Variants in CREB1 observed in about 807,000 individuals in gnomAD.
CREB1 encodes the protein cyclic AMP-responsive element-binding protein 1.
CREB1 carries 2 observed loss-of-function variants against 42.0 expected under a neutral mutation model. The ratio of observed to expected loss-of-function variants is 0.05; its 90% CI spans 0.02 to 0.15. CREB1 has a LOEUF of 0.15. Ranked by LOEUF, CREB1 falls within the 10% of genes least tolerant of loss-of-function variation. The pLI, the probability that CREB1 is intolerant of heterozygous loss-of-function variation, is 1.00. For synonymous variants in CREB1, 123 were observed against 139.9 expected, an observed-to-expected ratio of 0.88 and a Z score of 0.85; for missense variants, 199 against 388.9, an observed-to-expected ratio of 0.51 and a Z score of 4.11.
At chr2:207,559,606 AGACAT>A (rs1481044548) in intron 2 of CREB1, among the ~76,000 whole-genome samples, 2 of 152,206 alleles carry the variant, frequency 1.3e-5, no homozygotes, top group East Asian at 3.8e-4. Context: ...AACATCTGAT[AGACAT>A]GTATGATTTA....
rs2087879066 is a variant in CREB1 at position 207,605,148 on chromosome 2, CTT to C, written c.*8092_*8093del. On this transcript the variant is annotated 3_prime_UTR_variant, in exon 8 of 8. Transcript: ENST00000353267. ...TTTAACTTTTTGAGGAACTGTCAAACTTTCCCTCAGCAGCTGTACCGTTTTAC... is the reference window on the plus strand; with the variant it reads ...TTTAACTTTTTGAGGAACTGTCAAACTCCCTCAGCAGCTGTACCGTTTTAC... Among the ~76,000 whole-genome samples the C allele has an allele frequency of 6.6e-6, 1 of 152,186 alleles. No homozygotes were observed. The highest frequency in any genetic ancestry group is 2.4e-5 in the African/African-American group (1 of 41,444).
intron 7 of CREB1, among the ~76,000 whole-genome samples, chr2:207,591,784 C>G (rs1559074943): frequency 6.6e-6 from 1 of 152,058 alleles, no homozygotes; most frequent in Non-Finnish European, 1.5e-5. Flanking sequence ...CCTTTTTCTT[C>G]TCTGTTTATA....
intron 5 of CREB1, 42 bp from the exon 6 acceptor site, chr2:207,575,230 T>C (rs780070632): frequency 2.9e-5 from 46 of 1,566,578 alleles, no homozygotes; most frequent in Middle Eastern, 1.7e-4. Context: ...AAAAGTCTTA[T>C]ATGGTATTAA....
chr2:207,550,064 T>C (rs954919439), intron 1 of CREB1, among the ~76,000 whole-genome samples: 2 of 152,176 alleles, frequency 1.3e-5, no homozygotes, highest in African/African-American at 4.8e-5. Context: ...TGTGTAGACA[T>C]AATTATGTAT....
chr2:207,546,868 G>C (rs1320391367), intron 1 of CREB1, among the ~76,000 whole-genome samples: 2 of 152,158 alleles, frequency 1.3e-5, no homozygotes, highest in African/African-American at 4.8e-5. Flanking sequence ...TGGTACCTTT[G>C]AGTTCTTGGG....
intron 7 of CREB1, 170 bp downstream of exon 7, chr2:207,577,825 A>G: frequency 1.4e-6 from 1 of 716,912 alleles, no homozygotes; most frequent in Non-Finnish European, 2.3e-6. Flanking sequence ...CTGCACTTAT[A>G]AGATAGCTGT....
At chr2:207,561,308 C>T in intron 3 of CREB1, 1 of 643,460 alleles carries the variant, frequency 1.6e-6, no homozygotes, top group Non-Finnish European at 2.7e-6. Flanking sequence ...CTAGGCCATA[C>T]TTGTTACCTC....
chr2:207,551,828 G>A (rs964717890), intron 1 of CREB1, among the ~76,000 whole-genome samples: 2 of 151,940 alleles, frequency 1.3e-5, no homozygotes, highest in African/African-American at 2.4e-5. Context: ...CGGATCAGGA[G>A]GTCAGGAGAT....
intron 1 of CREB1, among the ~76,000 whole-genome samples, chr2:207,548,735 G>A (rs1340471002): frequency 2.6e-5 from 4 of 151,958 alleles, no homozygotes; most frequent in African/African-American, 9.7e-5. Context: ...TGGGCAATGA[G>A]CAAAACTCTG....
At chr2:207,575,933 T>TC (rs1559049374) in intron 6 of CREB1, among the ~76,000 whole-genome samples, 3 of 19,460 alleles carry the variant, frequency 1.5e-4, no homozygotes, top group African/African-American at 3.0e-4. Flanking sequence ...GTTTCTCTGC[T>TC]TCCCCCCCCC....
At chr2:207,567,597 GAGGAAGTCTT>G in intron 4 of CREB1, 34 bp downstream of exon 4, 1 of 1,490,166 alleles carries the variant, frequency 6.7e-7, no homozygotes, top group Non-Finnish European at 9.3e-7. Flanking sequence ...CAAAGATGTG[GAGGAAGTCTT>G]AGGTAGTTGC....
At chr2:207,555,805 C>A in intron 2 of CREB1, 56 bp downstream of exon 2, 2 of 1,153,084 alleles carry the variant, frequency 1.7e-6, no homozygotes, top group South Asian at 1.3e-5. Flanking sequence ...GAATACGTTT[C>A]CAAGAGAATT....
chr2:207,547,432 T>G (rs1009786471), intron 1 of CREB1, among the ~76,000 whole-genome samples: 4 of 152,344 alleles, frequency 2.6e-5, no homozygotes, highest in Middle Eastern at 3.4e-3. Flanking sequence ...GCTTCATTCT[T>G]TAGTCAACAT....
At chr2:207,544,324 A>T (rs1016283855) in intron 1 of CREB1, among the ~76,000 whole-genome samples, 2 of 152,218 alleles carry the variant, frequency 1.3e-5, no homozygotes, top group Non-Finnish European at 2.9e-5. Context: ...TCAGATCTGC[A>T]TCAGATTACC....
chr2:207,554,487 T>C (rs1180981992), intron 1 of CREB1, among the ~76,000 whole-genome samples: 1 of 152,198 alleles, frequency 6.6e-6, no homozygotes, highest in Non-Finnish European at 1.5e-5. Context: ...TTTTGACACA[T>C]AATATGTGAG....
intron 1 of CREB1, among the ~76,000 whole-genome samples, chr2:207,531,672 C>CTTTTATTTT (rs2080636171): frequency 6.6e-6 from 1 of 152,120 alleles, no homozygotes; most frequent in Non-Finnish European, 1.5e-5. Context: ...AAGCCCCGAA[C>CTTTTATTTT]AGTTATTTTA....
At chr2:207,544,872 C>T (rs1243993513) in intron 1 of CREB1, among the ~76,000 whole-genome samples, 2 of 152,146 alleles carry the variant, frequency 1.3e-5, no homozygotes, top group African/African-American at 4.8e-5. Context: ...GCCTCCAGCT[C>T]CATCTATGTT....
Position 207,560,389 on chromosome 2 carries a change from T to C in CREB1, c.261+17T>C. 1.9e-6 allele frequency: 3 copies of C among 1,600,728 alleles called. No homozygotes were observed. The highest frequency in any genetic ancestry group is 2.6e-6 in the Non-Finnish European group (3 of 1,174,324). On this transcript the variant is annotated intron_variant, in intron 3 of 7. Transcript: ENST00000353267. ...ACAGTTCAGGTATGTGTATAAAAAG[T>C]TCTGCATCTATTTTAATAACTTTTG...
intron 5 of CREB1, among the ~76,000 whole-genome samples, chr2:207,573,467 G>C (rs1190053256): frequency 6.6e-6 from 1 of 152,224 alleles, no homozygotes; most frequent in Non-Finnish European, 1.5e-5. Context: ...TGGGCACAGT[G>C]GCTCACGTCT....
Sources: gnomAD v4.1 joint callset for allele counts (sites outside exome capture counted in the v4.1 genomes callset) on GRCh38, gnomAD v4.1.1 for gene constraint, MANE v1.5 for transcripts, NCBI Gene and HGNC (gene_info 2026-07-23, HGNC 2026-07-21) for gene names.